The following CCDC78 variants were observed in gnomAD, a reference collection of about 807,000 sequenced individuals.
CCDC78 encodes coiled-coil domain containing 78.
Under a neutral mutation model 61.9 loss-of-function variants are expected in CCDC78, and 78 were observed. That is an observed-to-expected ratio of 1.26 (90% CI 1.05 to 1.52). The LOEUF (loss-of-function observed/expected upper bound fraction) is 1.52. Ranked by LOEUF, CCDC78 falls within the 40% of genes most tolerant of loss-of-function variation. The probability of loss-of-function intolerance (pLI) is 0.00; values close to 1 mark genes in which losing one functional copy is unlikely to be tolerated. For synonymous variants in CCDC78, 287 were observed against 251.9 expected (o/e 1.14, Z -1.32); for missense variants, 737 against 615.5 (o/e 1.20, Z -2.09).
chr16:726,699 C>T, upstream of CCDC78: 4 of 475,608 alleles, frequency 8.4e-6, no homozygotes, highest in South Asian at 8.5e-5. Context: ...AGCCCGCCCG[C>T]AGGATGCCCT....
intron 11 of CCDC78, chr16:723,506 C>T (rs2040459872): frequency 3.0e-6 from 2 of 673,968 alleles, no homozygotes; most frequent in Admixed American, 2.0e-5. Context: ...CATTGTACAG[C>T]TGGGAACATG....
At chr16:723,691 G>C in intron 11 of CCDC78, 166 bp downstream of exon 11, 1 of 714,888 alleles carries the variant, frequency 1.4e-6, no homozygotes, top group Non-Finnish European at 2.5e-6. Flanking sequence ...AGTGTCGCCG[G>C]GACCCACGGA....
At chr16:723,283 A>G in intron 11 of CCDC78, 122 bp from the exon 12 acceptor site, 2 of 1,089,466 alleles carry the variant, frequency 1.8e-6, no homozygotes, top group Non-Finnish European at 2.7e-6. Flanking sequence ...TGAGTGAGGG[A>G]GGCATGGGCC....
chr16:726,232 C>G (rs1303599045), intron 1 of CCDC78, 76 bp downstream of exon 1: 1 of 1,550,142 alleles, frequency 6.5e-7, no homozygotes, highest in Non-Finnish European at 8.7e-7. Context: ...GTGCAGGAAC[C>G]TGCACCCTCC....
Position 724,386 on chromosome 16 carries a change from G to A in CCDC78, c.889C>T (p.Arg297Cys), listed in dbSNP as rs61998220. 1,373 of 1,611,818 alleles carry A rather than the reference G, an allele frequency of 8.5e-4. 15 individuals carry two copies. The African/African-American group carries it at 0.015, about 18-fold the overall frequency. The change falls in exon 9 of 14, where the codon CGC (arginine) becomes TGC (cysteine). Residue 297 changes from arginine (R) to cysteine (C), a missense_variant. Coordinates refer to ENST00000345165, the MANE Select transcript of CCDC78 (RefSeq NM_001378030.1). ...TCCACCAGCCTCTTGTGGTAGCTGCGGGCAGCCCGGGCCAGCTGCTGCTCA... is the reference window on the plus strand; with the variant it reads ...TCCACCAGCCTCTTGTGGTAGCTGCAGGCAGCCCGGGCCAGCTGCTGCTCA... ...SREQQLARAA[R>C]SYHKRLVDLS...
rs779746748 is a variant in CCDC78, at chr16:724,383, T to C, written c.892A>G (p.Ser298Gly). 4 of 1,612,092 alleles carry C rather than the reference T, an allele frequency of 2.5e-6. No individual in the cohort carries two copies. The highest frequency in any genetic ancestry group is 1.1e-5 in the South Asian group (1 of 91,060). The change falls in exon 9 of 14, where the codon AGC (serine) becomes GGC (glycine). Residue 298 changes from serine to glycine, a missense_variant. Coordinates refer to ENST00000345165, the MANE Select transcript of CCDC78 (RefSeq NM_001378030.1). ...REQQLARAARSYHKRLVDLSR... is the reference protein window; with the variant it reads ...REQQLARAARGYHKRLVDLSR... ...AGATCCACCAGCCTCTTGTGGTAGC[T>C]GCGGGCAGCCCGGGCCAGCTGCTGC...
chr16:724,793 C>T lies in CCDC78; in HGVS notation c.653G>A (p.Cys218Tyr), dbSNP rs757514281. Reference sequence around the variant, plus strand: ...CTCTGCCTGACGGAGCTGGCCTTGGCAGCTGCACAGCACCTGGGGTGGAAG... The same window carrying T: ...CTCTGCCTGACGGAGCTGGCCTTGGTAGCTGCACAGCACCTGGGGTGGAAG... ...LATQAVVLCS[C>Y]QGQLRQAEAE... is the part of the protein sequence containing the mutation. Residue 218 changes from cysteine (C) to tyrosine (Y), a missense_variant, in exon 8 of 14, where the codon TGC becomes TAC. By Grantham distance (194) the Cys-to-Tyr change is radical. Transcript: ENST00000345165. The T allele has an allele frequency of 2.9e-5, 46 of 1,611,958 alleles. No homozygotes were observed. The highest frequency in any genetic ancestry group is 3.6e-5 in the Non-Finnish European group (43 of 1,179,780).
intron 3 of CCDC78, 85 bp from the exon 4 acceptor site, chr16:725,665 C>A (rs917757759): frequency 1.3e-6 from 2 of 1,577,560 alleles, no homozygotes; most frequent in Non-Finnish European, 1.7e-6. Context: ...CGCTCAGGGG[C>A]GCGCAGCACT....
At chr16:725,757 C>T in intron 3 of CCDC78, 37 bp downstream of exon 3, 1 of 1,585,286 alleles carries the variant, frequency 6.3e-7, no homozygotes, top group Non-Finnish European at 8.6e-7. Flanking sequence ...CACCCCCCGT[C>T]CCCCATGCAC....
chr16:725,667 C>T (rs539057753), intron 3 of CCDC78, 87 bp from the exon 4 acceptor site: 124 of 1,578,608 alleles, frequency 7.9e-5, no homozygotes, highest in East Asian at 1.6e-4. Flanking sequence ...CTCAGGGGCG[C>T]GCAGCACTCA....
rs1402105399 is a variant in CCDC78 at position 726,075 on chromosome 16, C to T, written c.71G>A (p.Arg24Gln). The T allele has an allele frequency of 2.3e-5, 36 of 1,548,576 alleles. No homozygotes were observed. The highest frequency in any genetic ancestry group is 2.8e-5 in the Non-Finnish European group (32 of 1,146,672). The change falls in exon 2 of 14, where the codon CGA becomes CAA. Residue 24 changes from arginine to glutamine, a missense_variant. By Grantham distance (43) the Arg-to-Gln change is conservative. Transcript: ENST00000345165. ...AGCTCCTGGCAGCCAGTCCTTGGCTCGTAGCACAACCTGGGGAGGTACCGC... is the reference window on the plus strand; with the variant it reads ...AGCTCCTGGCAGCCAGTCCTTGGCTTGTAGCACAACCTGGGGAGGTACCGC... ...PSRRVENVVL[R>Q]AKDWLPGAPG...
At position 724,351 on chromosome 16, in the gene CCDC78, G is replaced by A. The variant is rs2040615574; in HGVS notation, c.924C>T (p.Arg308=). 1.2e-6 allele frequency: 2 copies of A among 1,612,316 alleles called. No individual in the cohort carries two copies. Among genetic ancestry groups the A allele is most frequent in the Non-Finnish European group, 1.7e-6 (2 of 1,179,838 alleles). The stretch of plus-strand genomic sequence containing the variant: ...AGGCAACCAGTAGCTCTTCATGCCT[G>A]CGGCTCAGATCCACCAGCCTCTTGT... ...SYHKRLVDLS[R]RHEELLVAYR... is the part of the protein sequence containing the mutation. Residue 308 remains arginine (R), a synonymous_variant, in exon 9 of 14, where the codon CGC becomes CGT. Coordinates refer to ENST00000345165, the MANE Select transcript of CCDC78 (RefSeq NM_001378030.1).
intron 13 of CCDC78, 65 bp from the exon 14 acceptor site, chr16:722,854 A>C: frequency 1.2e-6 from 2 of 1,608,046 alleles, no homozygotes; most frequent in South Asian, 2.2e-5. Flanking sequence ...TTAGCGCCTG[A>C]GGCAGCCATC....
In CCDC78 at chr16:725,489, C is replaced by T; in HGVS notation, c.359G>A (p.Arg120Lys). ...CTCTTGGGCTGCTGCCCGGGGATGCCTGGGGTCAGACTCCACTGGGACTGC... is the reference window on the plus strand; with the variant it reads ...CTCTTGGGCTGCTGCCCGGGGATGCTTGGGGTCAGACTCCACTGGGACTGC... ...GCAVPVESDP[R>K]HPRAAAQELR... is the part of the protein sequence containing the mutation. Residue 120 changes from arginine (R) to lysine (K), a missense_variant, in exon 4 of 14, where the codon AGG becomes AAG. Coordinates refer to ENST00000345165, the MANE Select transcript of CCDC78 (RefSeq NM_001378030.1). 6.2e-7 allele frequency: 1 copy of T among 1,612,728 alleles called. No homozygotes were observed. The highest frequency in any genetic ancestry group is 8.5e-7 in the Non-Finnish European group (1 of 1,179,984).
In CCDC78 at chr16:724,522, G is replaced by A. The variant is rs2040641075; in HGVS notation, c.766-13C>T. ...CATCTGCGTGCTCCTGGAGGCGGCG[G>A]GCTGGGTCCGCATGGGGCCCACCCC... is the stretch of plus-strand genomic sequence containing the variant. On this transcript the variant is annotated splice_polypyrimidine_tract_variant and intron_variant, in intron 8 of 13. Transcript: ENST00000345165. 2.5e-6 allele frequency: 4 copies of A among 1,588,872 alleles called. No homozygotes were observed. The highest frequency in any genetic ancestry group is 2.6e-6 in the Non-Finnish European group (3 of 1,175,144).
rs1283039950 is a variant in CCDC78, at chr16:725,231, A to G, written c.492+6T>C. 1.9e-6 allele frequency: 3 copies of G among 1,607,740 alleles called. No homozygotes were observed. The African/African-American group carries it at 4.0e-5, about 22-fold the overall frequency. ...TCTCCCCTGAGCTAGGTGGCTGCAC[A>G]CTCACGCCGCTCCCCAGCCTGTGCT... On this transcript the variant is annotated splice_donor_region_variant and intron_variant, in intron 5 of 13. Transcript: ENST00000345165.
chr16:723,481 T>G (rs1323030775), intron 11 of CCDC78: 1 of 679,084 alleles, frequency 1.5e-6, no homozygotes. Flanking sequence ...GAAATGGTCC[T>G]TGGGGAGCCC....
chr16:724,753 C>T lies in CCDC78; in HGVS notation c.693G>A (p.Arg231=). ...QLRQAEAENA[R]LQLQLKKLKD... is the part of the protein sequence containing the mutation. ...TCAGTTTCTTGAGCTGCAGCTGCAG[C>T]CGGGCATTTTCAGCCTCTGCCTGAC... Residue 231 remains arginine, a synonymous_variant, in exon 8 of 14, where the codon CGG becomes CGA. Transcript: ENST00000345165. The T allele has an allele frequency of 1.2e-6, 2 of 1,612,112 alleles. No homozygotes were observed. Among genetic ancestry groups the T allele is most frequent in the Non-Finnish European group, 1.7e-6 (2 of 1,179,774 alleles).
At chr16:724,267 A>C in intron 9 of CCDC78, 55 bp downstream of exon 9, 1 of 1,591,384 alleles carries the variant, frequency 6.3e-7, no homozygotes, top group Non-Finnish European at 8.6e-7. Context: ...CCTTTGAGGC[A>C]CAGAGGCTTA....
Sources: gnomAD v4.1 joint callset for allele counts on GRCh38, gnomAD v4.1.1 for gene constraint, MANE v1.5 for transcripts, NCBI Gene and HGNC (gene_info 2026-07-23, HGNC 2026-07-21) for gene names.